CSRP2: variants seen among roughly 807,000 people sequenced by gnomAD.
The protein encoded by CSRP2 is cysteine and glycine-rich protein 2.
In CSRP2, 18 loss-of-function variants were observed where a neutral mutation model predicts 24.6. The observed-to-expected ratio is 0.73, with a 90% CI of 0.51 to 1.09. The LOEUF (loss-of-function observed/expected upper bound fraction) is 1.09. Ranked by LOEUF, CSRP2 falls within the 50% of genes least tolerant of loss-of-function variation. The pLI is 0.00. For missense variants in CSRP2, 215 were observed against 239.4 expected (o/e 0.90, Z 0.67); for synonymous variants, 87 against 84.3 (o/e 1.03, Z -0.18).
chr12:76,871,635 G>T (rs1323904512), intron 1 of CSRP2, among the ~76,000 whole-genome samples: 1 of 151,968 alleles, frequency 6.6e-6, no homozygotes, highest in African/African-American at 2.4e-5. Context: ...GCGGTGGCAG[G>T]TGCCTGTAGT....
At chr12:76,859,083 C>G in intron 5 of CSRP2, 55 bp from the exon 6 acceptor site, 1 of 1,483,052 alleles carries the variant, frequency 6.7e-7, no homozygotes, top group Non-Finnish European at 9.4e-7. Context: ...GCTTTGCTAG[C>G]ACTGCTTAAG....
intron 1 of CSRP2, among the ~76,000 whole-genome samples, chr12:76,874,536 G>A (rs1386212988): frequency 6.6e-6 from 1 of 151,990 alleles, no homozygotes; most frequent in East Asian, 1.9e-4. Flanking sequence ...AAATGGGCGG[G>A]CTTCCTTTTC....
chr12:76,865,987 G>A (rs762785), intron 2 of CSRP2, 162 bp downstream of exon 2: 362,747 of 604,526 alleles, frequency 0.6, 109,745 homozygotes, highest in East Asian at 0.71. Context: ...TCCTGTCTTC[G>A]CTGCTAGGCT....
intron 4 of CSRP2, 95 bp downstream of exon 4, chr12:76,860,189 T>C (rs555797334): frequency 3.1e-4 from 417 of 1,345,222 alleles, no homozygotes; most frequent in Non-Finnish European, 3.9e-4. Flanking sequence ...CAGTGATTTG[T>C]AAGACATCAC....
At chr12:76,867,429 G>T (rs1422944999) in intron 1 of CSRP2, among the ~76,000 whole-genome samples, 1 of 150,850 alleles carries the variant, frequency 6.6e-6, no homozygotes, top group African/African-American at 2.4e-5. Flanking sequence ...AGAATTGCTT[G>T]AACCAGGAAG....
intron 3 of CSRP2, chr12:76,861,421 A>G (rs1953677500): frequency 6.7e-6 from 1 of 150,226 alleles, no homozygotes; most frequent in Non-Finnish European, 1.5e-5. Flanking sequence ...CTTTAAAACT[A>G]TGGCCATAGT....
At chr12:76,875,020 A>T (rs1953839618) in intron 1 of CSRP2, among the ~76,000 whole-genome samples, 1 of 152,230 alleles carries the variant, frequency 6.6e-6, no homozygotes, top group Non-Finnish European at 1.5e-5. Flanking sequence ...AATCAGGCTC[A>T]TGTTTTGATT....
At chr12:76,859,147 AT>A in intron 5 of CSRP2, 119 bp from the exon 6 acceptor site, 1 of 762,742 alleles carries the variant, frequency 1.3e-6, no homozygotes, top group Non-Finnish European at 2.3e-6. Flanking sequence ...AGCTCAACTT[AT>A]TTAAGATGTT....
At chr12:76,868,613 G>A (rs1048784335) in intron 1 of CSRP2, among the ~76,000 whole-genome samples, 4 of 152,096 alleles carry the variant, frequency 2.6e-5, no homozygotes, top group African/African-American at 7.2e-5. Context: ...TATTAGCAGC[G>A]TGACAACAGA....
At chr12:76,866,073 A>G in intron 2 of CSRP2, 76 bp downstream of exon 2, 4 of 1,144,128 alleles carry the variant, frequency 3.5e-6, no homozygotes, top group South Asian at 2.8e-5. Context: ...CAAAACCACA[A>G]TTTTTCCTTA....
chr12:76,865,118 C>G (rs1300795276), intron 2 of CSRP2, among the ~76,000 whole-genome samples: 1 of 152,154 alleles, frequency 6.6e-6, no homozygotes, highest in Non-Finnish European at 1.5e-5. Context: ...TAGAAATGAC[C>G]AGTAGAGAAC....
intron 1 of CSRP2, among the ~76,000 whole-genome samples, chr12:76,871,509 G>T (rs1445131170): frequency 2.6e-5 from 4 of 152,178 alleles, no homozygotes; most frequent in African/African-American, 7.2e-5. Context: ...GGTGGCTCAC[G>T]CCTGTAATCC....
At chr12:76,867,815 T>C (rs1277051126) in intron 1 of CSRP2, among the ~76,000 whole-genome samples, 1 of 151,202 alleles carries the variant, frequency 6.6e-6, no homozygotes, top group Non-Finnish European at 1.5e-5. Context: ...AGAGTGCTAC[T>C]AAGTAGAAAA....
intron 3 of CSRP2, chr12:76,860,863 G>A (rs772024249): frequency 2.6e-5 from 4 of 152,446 alleles, no homozygotes; most frequent in African/African-American, 9.6e-5. Context: ...AAATAGGTAA[G>A]TTAACTTTGG....
intron 2 of CSRP2, 95 bp downstream of exon 2, chr12:76,866,054 C>T: frequency 1.1e-6 from 1 of 873,128 alleles, no homozygotes. Context: ...TCAAAATGAT[C>T]TTTGTTGGCA....
rs865872675 is a variant in CSRP2 at position 76,878,979 on chromosome 12, G to C, written c.-43C>G. On this transcript the variant is annotated 5_prime_UTR_variant, in exon 1 of 6. Transcript: ENST00000311083. Reference sequence around the variant, plus strand: ...AGCACGTACCGCAGGCGGAGCTAGCGAGGCTGGGCTGGAGGGAGGGTCCAG... The same window carrying C: ...AGCACGTACCGCAGGCGGAGCTAGCCAGGCTGGGCTGGAGGGAGGGTCCAG... 1 of 152,278 alleles carries C rather than the reference G, an allele frequency of 6.6e-6. No individual in the cohort carries two copies. Among genetic ancestry groups the C allele is most frequent in the Admixed American group, 6.5e-5 (1 of 15,284 alleles). The allele number at this position is 152,278 out of a possible 1,614,324, so 9.4% of individuals were successfully genotyped here.
At chr12:76,867,416 A>G (rs1253625300) in intron 1 of CSRP2, among the ~76,000 whole-genome samples, 1 of 151,200 alleles carries the variant, frequency 6.6e-6, no homozygotes, top group African/African-American at 2.4e-5. Context: ...AGGCTGAGGC[A>G]GGAGAATTGC....
In CSRP2 at chr12:76,863,522, G is replaced by C. The variant is rs150473952; in HGVS notation, c.113-178C>G. The C allele has an allele frequency of 9.2e-6, 5 of 544,182 alleles. No individual in the cohort carries two copies. In the South Asian group the frequency reaches 1.5e-4, roughly 17 times the overall value. The allele number at this position is 544,182 out of a possible 1,614,324, so 33.7% of individuals were successfully genotyped here. A position where few individuals can be genotyped will look rare whatever the true frequency, so the allele number is the denominator to read the frequency against. Reference sequence around the variant, plus strand: ...GCATCTGGACTGGCCAGCTACATTCGAGGATTATTTACATTCCTCCATGGA... The same window carrying C: ...GCATCTGGACTGGCCAGCTACATTCCAGGATTATTTACATTCCTCCATGGA... On this transcript the variant is annotated intron_variant, in intron 2 of 5. Transcript: ENST00000311083.
intron 1 of CSRP2, among the ~76,000 whole-genome samples, chr12:76,872,208 T>C (rs971484089): frequency 7.2e-5 from 11 of 152,214 alleles, no homozygotes; most frequent in African/African-American, 2.4e-4. Flanking sequence ...TGAACACCTA[T>C]GTGCAATTTC....
Sources: gnomAD v4.1 joint callset for allele counts (sites outside exome capture counted in the v4.1 genomes callset) on GRCh38, gnomAD v4.1.1 for gene constraint, MANE v1.5 for transcripts, NCBI Gene and HGNC (gene_info 2026-07-23, HGNC 2026-07-21) for gene names.